Variants in CLASRP observed in about 807,000 individuals in gnomAD.
CLASRP encodes CLK4 associating serine/arginine rich protein, also known as CLK4-associating serine/arginine rich protein.
In CLASRP, 52 loss-of-function variants were observed where a neutral mutation model predicts 99.9. The ratio of observed to expected loss-of-function variants is 0.52; its 90% CI spans 0.42 to 0.66. The LOEUF (loss-of-function observed/expected upper bound fraction) is 0.66. Among genes scored for constraint, CLASRP ranks in the 30% least tolerant of loss-of-function variants. The probability of loss-of-function intolerance (pLI) is 0.00; values close to 1 mark genes in which losing one functional copy is unlikely to be tolerated. For missense variants in CLASRP, 848 were observed against 999.2 expected (o/e 0.85, Z 2.04); for synonymous variants, 379 against 373.0 (o/e 1.02, Z -0.18).
intron 2 of CLASRP, among the ~76,000 whole-genome samples, chr19:45,050,979 A>G (rs1303426120): frequency 1.3e-5 from 2 of 151,984 alleles, no homozygotes; most frequent in Non-Finnish European, 2.9e-5. Flanking sequence ...TCGGCCTCCC[A>G]AAGTGCTGGG....
At chr19:45,039,191 C>G (rs1971760982) in intron 1 of CLASRP, 83 bp downstream of exon 1, 1 of 152,560 alleles carries the variant, frequency 6.6e-6, no homozygotes, top group South Asian at 2.1e-4. Context: ...TCTCCCCATG[C>G]TGCTGTGGGC....
chr19:45,060,664 C>CT lies in CLASRP; in HGVS notation c.863+38dup. The CT allele has an allele frequency of 6.7e-7, 1 of 1,497,174 alleles. No homozygotes were observed. The highest frequency in any genetic ancestry group is 9.0e-7 in the Non-Finnish European group (1 of 1,106,598). 92.7% of individuals were successfully genotyped at this position (1,497,174 alleles called of 1,614,324 possible). On this transcript the variant is annotated intron_variant, in intron 10 of 20. Coordinates refer to ENST00000221455, the MANE Select transcript of CLASRP (RefSeq NM_007056.3). The surrounding 1 kb of genome is among the most constrained non-coding windows in gnomAD (Gnocchi z 4.6). The stretch of plus-strand genomic sequence containing the variant: ...CCCTGAACCCCCACCCTGCTGGCAT[C>CT]TGGGGGAGGAGAGCAGGGGCTTAGG...
At chr19:45,053,950 T>C (rs538013011) in intron 5 of CLASRP, among the ~76,000 whole-genome samples, 2 of 152,360 alleles carry the variant, frequency 1.3e-5, no homozygotes, top group East Asian at 1.9e-4. Flanking sequence ...CTGTGTATTT[T>C]ACTCTGCCCG....
At chr19:45,061,473 T>C (rs1221350922) in intron 10 of CLASRP, among the ~76,000 whole-genome samples, 1 of 151,926 alleles carries the variant, frequency 6.6e-6, no homozygotes, top group Non-Finnish European at 1.5e-5. Flanking sequence ...CTCTCTTTTT[T>C]TTTTCTTCCC....
intron 2 of CLASRP, among the ~76,000 whole-genome samples, chr19:45,044,280 A>C (rs532768858): frequency 6.6e-5 from 10 of 152,346 alleles, no homozygotes; most frequent in South Asian, 2.1e-4. Flanking sequence ...GGTATTGATC[A>C]TGCCTGTGTT....
intron 2 of CLASRP, among the ~76,000 whole-genome samples, chr19:45,048,569 TAAAAAG>T (rs1004621674): frequency 4.0e-5 from 6 of 150,882 alleles, no homozygotes; most frequent in African/African-American, 1.5e-4. Context: ...AGCAAATAAA[TAAAAAG>T]AAGCAGATTT....
chr19:45,051,874 A>C (rs1258254168), intron 2 of CLASRP, among the ~76,000 whole-genome samples, 197 bp from the exon 3 acceptor site: 1 of 152,106 alleles, frequency 6.6e-6, no homozygotes, highest in Non-Finnish European at 1.5e-5. Flanking sequence ...AAGCTGAGGC[A>C]GGAGAATGGC....
chr19:45,042,222 TTC>T (rs1971825893), intron 2 of CLASRP, among the ~76,000 whole-genome samples: 1 of 152,068 alleles, frequency 6.6e-6, no homozygotes, highest in Non-Finnish European at 1.5e-5. Context: ...AGCCTGGGCT[TTC>T]TCTCAAGGGC....
At chr19:45,041,170 C>T (rs1325174153) in intron 2 of CLASRP, among the ~76,000 whole-genome samples, 5 of 145,990 alleles carry the variant, frequency 3.4e-5, no homozygotes, top group African/African-American at 1.3e-4. Flanking sequence ...GCGGAGCCTG[C>T]AGTGAGCTGA....
intron 18 of CLASRP, 46 bp from the exon 19 acceptor site, chr19:45,069,976 G>T (rs1382307517): frequency 1.9e-6 from 2 of 1,066,826 alleles, no homozygotes; most frequent in Non-Finnish European, 2.9e-6. Flanking sequence ...CCTGAGTTCA[G>T]TGTGTCCAGT....
chr19:45,040,567 C>T (rs1052399401), intron 2 of CLASRP: 2 of 368,622 alleles, frequency 5.4e-6, no homozygotes, highest in African/African-American at 2.1e-5. Context: ...GTCTCTGTAA[C>T]CCTCAGAGCA....
intron 19 of CLASRP, 53 bp from the exon 20 acceptor site, chr19:45,070,484 G>GAGGCCC (rs1967213981): frequency 1.9e-6 from 3 of 1,565,246 alleles, no homozygotes; most frequent in Middle Eastern, 1.7e-4. Context: ...GGTCAAGGAA[G>GAGGCCC]AGGCCCTGGC....
chr19:45,059,422 C>A, intron 8 of CLASRP, 58 bp downstream of exon 8: 3 of 1,358,328 alleles, frequency 2.2e-6, no homozygotes, highest in Non-Finnish European at 3.1e-6. Context: ...TGGCATCTCA[C>A]TATTACTCCC....
At chr19:45,047,062 T>C (rs1799316725) in intron 2 of CLASRP, among the ~76,000 whole-genome samples, 1 of 151,644 alleles carries the variant, frequency 6.6e-6, no homozygotes, top group Admixed American at 6.6e-5. Context: ...CTTGAAGAGG[T>C]ACTTATACAC....
chr19:45,067,093 C>T lies in CLASRP; in HGVS notation c.1410-244C>T, dbSNP rs1967103085. ...CTAGTGAGGGAGAGGTGACGTGGGC[C>T]AGGCAGGGCTCATGATGGCAGGACT... On this transcript the variant is annotated intron_variant, in intron 13 of 20. Coordinates refer to ENST00000221455, the MANE Select transcript of CLASRP (RefSeq NM_007056.3). The surrounding 1 kb of genome is among the most constrained non-coding windows in gnomAD (Gnocchi z 4.9). Among the ~76,000 whole-genome samples the T allele has an allele frequency of 6.6e-6, 1 of 152,190 alleles. No homozygotes were observed. Among genetic ancestry groups the T allele is most frequent in the Non-Finnish European group, 1.5e-5 (1 of 68,040 alleles).
At chr19:45,069,758 G>A (rs780747604) in intron 18 of CLASRP, 11 of 501,606 alleles carry the variant, frequency 2.2e-5, no homozygotes, top group South Asian at 7.2e-5. Flanking sequence ...CTGTGTGCAG[G>A]TGCCCCAGTG....
At chr19:45,062,888 A>G (rs917144777) in intron 11 of CLASRP, among the ~76,000 whole-genome samples, 2 of 152,130 alleles carry the variant, frequency 1.3e-5, no homozygotes, top group African/African-American at 4.8e-5. Flanking sequence ...CGTGGATGAA[A>G]GAGTGGTTGG....
At chr19:45,068,635 C>T (rs552207736) in intron 16 of CLASRP, among the ~76,000 whole-genome samples, 155 bp downstream of exon 16, 1 of 124,442 alleles carries the variant, frequency 8.0e-6, no homozygotes, top group East Asian at 2.3e-4. Context: ...TTTGCATCAG[C>T]TCCGCTGCCG....
At chr19:45,040,053 C>G (rs556908980) in intron 1 of CLASRP, 131 bp from the exon 2 acceptor site, 3 of 564,664 alleles carry the variant, frequency 5.3e-6, no homozygotes, top group Admixed American at 5.9e-5. Context: ...TCTGCAGCTT[C>G]ACTTCTGCTC....
Sources: gnomAD v4.1 joint callset for allele counts (sites outside exome capture counted in the v4.1 genomes callset) on GRCh38, gnomAD v4.1.1 for gene constraint, Gnocchi (gnomAD v3.1) non-coding constraint, MANE v1.5 for transcripts, NCBI Gene and HGNC (gene_info 2026-07-23, HGNC 2026-07-21) for gene names.